Variants in PRKN observed in about 807,000 individuals in gnomAD.
The protein encoded by PRKN is E3 ubiquitin-protein ligase parkin.
A neutral mutation model predicts 59.5 loss-of-function variants in PRKN; 56 were observed. The ratio of observed to expected loss-of-function variants is 0.94; its 90% CI spans 0.76 to 1.18. PRKN has a LOEUF of 1.18. PRKN is among the 50% of genes most tolerant of loss of function. PRKN has a pLI of 0.00. For synonymous variants in PRKN, 250 were observed against 222.1 expected, an observed-to-expected ratio of 1.13 and a Z score of -1.12; for missense variants, 657 against 596.4, an observed-to-expected ratio of 1.10 and a Z score of -1.06.
chr6:162,543,267 T>C (rs879773232), intron 1 of PRKN, among the ~76,000 whole-genome samples: 2 of 152,110 alleles, frequency 1.3e-5, no homozygotes, highest in Non-Finnish European at 2.9e-5. Flanking sequence ...GACTATTACA[T>C]AGGCTAATCT....
At chr6:161,898,598 T>C (rs747991709) in intron 6 of PRKN, among the ~76,000 whole-genome samples, 7 of 152,200 alleles carry the variant, frequency 4.6e-5, no homozygotes, top group Non-Finnish European at 8.8e-5. Context: ...ATGGATGTTT[T>C]CAAAGCTAAA....
intron 6 of PRKN, among the ~76,000 whole-genome samples, chr6:161,826,165 C>T (rs1051893611): frequency 6.6e-6 from 1 of 152,140 alleles, no homozygotes; most frequent in African/African-American, 2.4e-5. Context: ...CACGAAGATT[C>T]ATACCAAAAC....
intron 6 of PRKN, among the ~76,000 whole-genome samples, chr6:161,938,391 G>A (rs191450144): frequency 6.6e-6 from 1 of 152,268 alleles, no homozygotes. Context: ...ATAAATAAGA[G>A]CAATTTTAAA....
At chr6:162,177,272 T>C (rs1387354531) in intron 4 of PRKN, among the ~76,000 whole-genome samples, 1 of 152,052 alleles carries the variant, frequency 6.6e-6, no homozygotes, top group Non-Finnish European at 1.5e-5. Flanking sequence ...AGAATGGCTA[T>C]AAATGATTAA....
chr6:162,050,341 TAA>T (rs1777581258), intron 5 of PRKN, among the ~76,000 whole-genome samples: 2 of 152,208 alleles, frequency 1.3e-5, no homozygotes, highest in Non-Finnish European at 2.9e-5. Flanking sequence ...TAACCCAGTC[TAA>T]GAGTCATTGT....
At position 161,410,099 on chromosome 6, in the gene PRKN, C is replaced by T. The variant is rs751075752; in HGVS notation, c.1084-23222G>A. On this transcript the variant is annotated intron_variant, in intron 9 of 11. Transcript: ENST00000366898. The surrounding 1 kb of genome is among the most constrained non-coding windows in gnomAD (Gnocchi z 5.3). ...GCAGCCCGTGCATCTGCTGGGTCAG[C>T]GGTCTGGCACTTTTTTTGAGTGTCT... is the stretch of plus-strand genomic sequence containing the variant. 1.3e-4 allele frequency among the ~76,000 whole-genome samples: 20 copies of T among 152,222 alleles called. No homozygotes were observed. Among genetic ancestry groups the T allele is most frequent in the Non-Finnish European group, 2.2e-4 (15 of 68,024 alleles).
In PRKN at chr6:161,943,953, T is replaced by G. The variant is rs113050823; in HGVS notation, c.734+29349A>C. 1.3e-4 allele frequency among the ~76,000 whole-genome samples: 9 copies of G among 71,710 alleles called. 1 individual carries two copies. The highest frequency in any genetic ancestry group is 8.8e-4 in the South Asian group (2 of 2,276). The allele number at this position is 71,710 out of a possible 152,430, so 47.0% of individuals were successfully genotyped here. On this transcript the variant is annotated intron_variant, in intron 6 of 11. Transcript: ENST00000366898. Reference sequence around the variant, plus strand: ...CAGCCTGAGGAAGCAGCCTGAGGGATCAGCCTTGAGGAAGCAGCCTGAGGA... The same window carrying G: ...CAGCCTGAGGAAGCAGCCTGAGGGAGCAGCCTTGAGGAAGCAGCCTGAGGA...
At chr6:161,598,289 A>C (rs910022181) in intron 7 of PRKN, among the ~76,000 whole-genome samples, 1 of 152,244 alleles carries the variant, frequency 6.6e-6, no homozygotes, top group African/African-American at 2.4e-5. Context: ...ATACACGACA[A>C]ACTTGCATTT....
At chr6:162,510,222 C>A (rs1011063394) in intron 1 of PRKN, among the ~76,000 whole-genome samples, 5 of 152,124 alleles carry the variant, frequency 3.3e-5, no homozygotes, top group Non-Finnish European at 7.3e-5. Context: ...CAGAGTGGTC[C>A]AAAGCAGTTA....
chr6:162,525,590 T>C (rs1391808366), intron 1 of PRKN, among the ~76,000 whole-genome samples: 10 of 152,316 alleles, frequency 6.6e-5, no homozygotes, highest in South Asian at 2.1e-4. Context: ...TTAGCACTTA[T>C]GGCCAATACA....
chr6:162,424,668 G>A (rs183929731), intron 2 of PRKN, among the ~76,000 whole-genome samples: 105 of 151,866 alleles, frequency 6.9e-4, no homozygotes, highest in African/African-American at 2.5e-3. Context: ...CCGGGAGGTG[G>A]AGGTTGCAGT....
At chr6:161,949,831 G>A (rs181874663) in intron 6 of PRKN, among the ~76,000 whole-genome samples, 179 of 152,292 alleles carry the variant, frequency 1.2e-3, no homozygotes, top group African/African-American at 4.1e-3. Flanking sequence ...GGCAGCACAC[G>A]GCACTGGGGA....
chr6:161,516,844 A>AAG (rs1554270434), intron 9 of PRKN, among the ~76,000 whole-genome samples: 3 of 150,546 alleles, frequency 2.0e-5, no homozygotes, highest in African/African-American at 7.3e-5. Context: ...AAAAAAAAAA[A>AAG]AAAGAAAGAA....
chr6:161,962,484 T>C (rs1780416457), intron 6 of PRKN, among the ~76,000 whole-genome samples: 1 of 151,996 alleles, frequency 6.6e-6, no homozygotes, highest in Admixed American at 6.6e-5. Flanking sequence ...AACACAAAGC[T>C]TAACTGTTAA....
chr6:161,912,762 C>G (rs1778411866), intron 6 of PRKN, among the ~76,000 whole-genome samples: 1 of 152,128 alleles, frequency 6.6e-6, no homozygotes, highest in Non-Finnish European at 1.5e-5. Flanking sequence ...CAGATGAGGT[C>G]TCTGAGACAC....
intron 6 of PRKN, among the ~76,000 whole-genome samples, chr6:161,914,520 G>GT (rs887610341): frequency 8.6e-5 from 13 of 151,562 alleles, no homozygotes; most frequent in Middle Eastern, 3.4e-3. Context: ...CATCTGCACT[G>GT]TTTTTTTTAA....
chr6:162,029,067 C>A (rs1304927486), intron 5 of PRKN, among the ~76,000 whole-genome samples: 1 of 151,968 alleles, frequency 6.6e-6, no homozygotes, highest in Non-Finnish European at 1.5e-5. Context: ...GTATTTGTGC[C>A]CAAATACAAT....
At chr6:162,018,164 C>T (rs1782999242) in intron 5 of PRKN, among the ~76,000 whole-genome samples, 2 of 152,126 alleles carry the variant, frequency 1.3e-5, no homozygotes, top group African/African-American at 2.4e-5. Flanking sequence ...GTAGCTGAGA[C>T]TACAGGCGCC....
At chr6:162,399,187 A>G (rs1393571766) in intron 2 of PRKN, among the ~76,000 whole-genome samples, 1 of 152,132 alleles carries the variant, frequency 6.6e-6, no homozygotes, top group East Asian at 1.9e-4. Context: ...AAGCAACAGC[A>G]ATTGGGTAGG....
Sources: allele counts gnomAD v4.1 joint callset (sites outside exome capture counted in the v4.1 genomes callset), GRCh38; gene constraint gnomAD v4.1.1; non-coding constraint Gnocchi (gnomAD v3.1); transcripts MANE v1.5; gene names NCBI Gene and HGNC (gene_info 2026-07-23, HGNC 2026-07-21).